The following PICALM variants were observed in gnomAD, a reference collection of about 807,000 sequenced individuals.
PICALM encodes phosphatidylinositol-binding clathrin assembly protein.
In PICALM, 40 loss-of-function variants were observed where a neutral mutation model predicts 80.5. The observed-to-expected ratio is 0.50, with a 90% CI of 0.39 to 0.65. The LOEUF (loss-of-function observed/expected upper bound fraction) is 0.65. Ranked by LOEUF, PICALM falls within the 30% of genes least tolerant of loss-of-function variation. The pLI is 0.00. For synonymous variants in PICALM, 288 were observed against 260.3 expected (o/e 1.11, Z -1.02); for missense variants, 676 against 778.9 (o/e 0.87, Z 1.57).
chr11:86,061,570 T>C (rs2096366813), intron 1 of PICALM, among the ~76,000 whole-genome samples: 1 of 152,016 alleles, frequency 6.6e-6, no homozygotes, highest in Non-Finnish European at 1.5e-5. Context: ...ACACACCTAT[T>C]AGAATGGCCA....
intron 11 of PICALM, among the ~76,000 whole-genome samples, chr11:85,997,715 C>T (rs1281079938): frequency 6.6e-6 from 1 of 152,236 alleles, no homozygotes; most frequent in Non-Finnish European, 1.5e-5. Flanking sequence ...AGGTGATACG[C>T]CTGCCTCGGC....
At chr11:86,068,598 C>A in intron 1 of PICALM, 53 bp downstream of exon 1, 3 of 1,554,724 alleles carry the variant, frequency 1.9e-6, no homozygotes, top group African/African-American at 2.7e-5. Context: ...GAGAAGGACG[C>A]GCGCGGGTCG....
intron 9 of PICALM, among the ~76,000 whole-genome samples, chr11:86,003,071 A>C (rs1433485813): frequency 6.6e-6 from 1 of 152,200 alleles, no homozygotes; most frequent in South Asian, 2.1e-4. Flanking sequence ...ACAATGCATT[A>C]GCATCTTTAG....
chr11:85,991,787 G>A (rs542989497), intron 12 of PICALM, among the ~76,000 whole-genome samples: 67 of 152,246 alleles, frequency 4.4e-4, no homozygotes, highest in African/African-American at 1.4e-3. Context: ...TCAGAAAACA[G>A]TAATTCAGAA....
At position 86,026,336 on chromosome 11, in the gene PICALM, G is replaced by C; in HGVS notation, c.305C>G (p.Thr102Arg). ...RFIQYLASRN[T>R]LFNLSNFLDK... ...CAAAAAATTGCTTAAGTTAAACAAC[G>C]TGTTTCTTGAAGCCAAATACTGAAT... The change falls in exon 3 of 20, where the codon ACG becomes AGG. Residue 102 changes from threonine (T) to arginine (R), a missense_variant. Thr to Arg is a moderately conservative substitution (Grantham distance 71, BLOSUM62 -1). Around this residue, in one of 2 missense-constraint regions of PICALM, gnomAD observed 285 missense variants for 395.4 expected, o/e 0.72. Transcript: ENST00000393346. The C allele has an allele frequency of 6.2e-7, 1 of 1,603,330 alleles. No homozygotes were observed. Among genetic ancestry groups the C allele is most frequent in the Non-Finnish European group, 8.5e-7 (1 of 1,172,636 alleles).
chr11:85,996,782 G>T, intron 12 of PICALM, 44 bp downstream of exon 12: 1 of 1,054,852 alleles, frequency 9.5e-7, no homozygotes, highest in South Asian at 1.3e-5. Context: ...GAATGAGGAG[G>T]AGAGATGCAT....
chr11:85,986,920 G>A (rs374837549), intron 13 of PICALM, among the ~76,000 whole-genome samples: 2 of 152,230 alleles, frequency 1.3e-5, no homozygotes, highest in South Asian at 2.1e-4. Flanking sequence ...TCACTAACCA[G>A]CACCAATCCA....
chr11:86,017,279 C>T (rs2095496375), intron 4 of PICALM, among the ~76,000 whole-genome samples: 2 of 150,378 alleles, frequency 1.3e-5, no homozygotes, highest in South Asian at 4.2e-4. Flanking sequence ...TGGTAGATTC[C>T]AAATGAATCC....
At chr11:85,979,444 C>T (rs956909723) in intron 17 of PICALM, among the ~76,000 whole-genome samples, 3 of 150,710 alleles carry the variant, frequency 2.0e-5, no homozygotes, top group Admixed American at 6.6e-5. Flanking sequence ...GAGCTGAGGT[C>T]GCGCCACTGC....
At chr11:86,047,226 G>GCACA (rs1291893808) in intron 1 of PICALM, among the ~76,000 whole-genome samples, 3 of 152,266 alleles carry the variant, frequency 2.0e-5, no homozygotes, top group Admixed American at 6.5e-5. Flanking sequence ...ACTCTAAACT[G>GCACA]CACACATTTT....
At chr11:86,044,920 C>T (rs1419738738) in intron 1 of PICALM, among the ~76,000 whole-genome samples, 2 of 152,324 alleles carry the variant, frequency 1.3e-5, no homozygotes, top group African/African-American at 2.4e-5. Context: ...TGTGGAAAAA[C>T]TGTCTTCCAT....
At chr11:85,999,431 T>C (rs150059053) in intron 11 of PICALM, among the ~76,000 whole-genome samples, 104 of 152,346 alleles carry the variant, frequency 6.8e-4, no homozygotes, top group Admixed American at 1.5e-3. Flanking sequence ...CCTCGAACAA[T>C]GAACATTCTT....
intron 12 of PICALM, among the ~76,000 whole-genome samples, chr11:85,995,039 G>A (rs2094915469): frequency 6.6e-6 from 1 of 152,074 alleles, no homozygotes; most frequent in African/African-American, 2.4e-5. Flanking sequence ...CTAAGTTTAA[G>A]TTAGTTTAGT....
intron 13 of PICALM, among the ~76,000 whole-genome samples, chr11:85,990,008 CAAA>C (rs5793177): frequency 5.6e-5 from 5 of 89,334 alleles, no homozygotes; most frequent in African/African-American, 1.8e-4. Context: ...AACCAAACAC[CAAA>C]AAAAAAAAAA....
At chr11:85,969,227 G>A (rs563515356) in intron 19 of PICALM, among the ~76,000 whole-genome samples, 15 of 152,280 alleles carry the variant, frequency 9.9e-5, no homozygotes, top group Non-Finnish European at 2.1e-4. Context: ...ATGGCAACAA[G>A]ATAAAGGTAT....
At chr11:86,040,316 C>T (rs940768009) in intron 1 of PICALM, among the ~76,000 whole-genome samples, 5 of 152,234 alleles carry the variant, frequency 3.3e-5, no homozygotes, top group Admixed American at 1.3e-4. Context: ...AAAGAAACTA[C>T]TATTTTAAAA....
chr11:86,018,655 G>A (rs570689191), intron 4 of PICALM, among the ~76,000 whole-genome samples: 31 of 152,218 alleles, frequency 2.0e-4, no homozygotes, highest in South Asian at 4.2e-4. Context: ...TTGGGAGGCC[G>A]AGACAGGTAG....
intron 1 of PICALM, among the ~76,000 whole-genome samples, chr11:86,056,823 G>A (rs770795176): frequency 6.6e-6 from 1 of 152,136 alleles, no homozygotes; most frequent in African/African-American, 2.4e-5. Context: ...CTATACAAGG[G>A]AGTATTACTC....
At chr11:86,037,990 TCTC>T (rs1406589992) in intron 1 of PICALM, among the ~76,000 whole-genome samples, 3 of 152,144 alleles carry the variant, frequency 2.0e-5, no homozygotes, top group East Asian at 1.9e-4. Context: ...ACATTCTTTA[TCTC>T]CTCAAGGATG....
Sources: gnomAD v4.1 joint callset for allele counts (sites outside exome capture counted in the v4.1 genomes callset) on GRCh38, gnomAD v4.1.1 for gene constraint, gnomAD v4.1.1 regional missense constraint, MANE v1.5 for transcripts, NCBI Gene and HGNC (gene_info 2026-07-23, HGNC 2026-07-21) for gene names.